The following TEX52 variants were observed in gnomAD, a reference collection of about 807,000 sequenced individuals.
TEX52 encodes testis expressed 52, also known as testis-expressed protein 52.
A neutral mutation model predicts 17.6 loss-of-function variants in TEX52; 22 were observed. The observed-to-expected ratio is 1.25, with a 90% CI of 0.89 to 1.78. The LOEUF is 1.78. TEX52 is among the 40% of genes most tolerant of loss of function. TEX52 has a pLI of 0.00. For synonymous variants in TEX52, 168 were observed against 147.4 expected (o/e 1.14, Z -1.01); for missense variants, 396 against 372.3 (o/e 1.06, Z -0.52).
chr12:2,848,529 G>A (rs141462898), downstream of TEX52, among the ~76,000 whole-genome samples: 5 of 152,210 alleles, frequency 3.3e-5, no homozygotes, highest in African/African-American at 4.8e-5. Context: ...TGGAGAGGCC[G>A]CTCTTTTACC....
intron 2 of TEX52, among the ~76,000 whole-genome samples, chr12:2,852,602 C>T (rs572829568): frequency 3.1e-4 from 47 of 152,162 alleles, no homozygotes; most frequent in Non-Finnish European, 5.9e-4. Context: ...TGGCCTCAAG[C>T]GATCCTCCCA....
Position 2,849,514 on chromosome 12 carries a change from A to T in TEX52, c.635T>A (p.Ile212Lys). The T allele has an allele frequency of 6.5e-7, 1 of 1,536,128 alleles. No homozygotes were observed. Among genetic ancestry groups the T allele is most frequent in the Non-Finnish European group, 8.7e-7 (1 of 1,146,894 alleles). The change falls in exon 3 of 3, where the codon ATA (isoleucine) becomes AAA (lysine). Residue 212 changes from isoleucine (I) to lysine (K), a missense_variant. By Grantham distance (102) the Ile-to-Lys change is moderately radical. Coordinates refer to ENST00000637658, the MANE Select transcript of TEX52 (RefSeq NM_001365174.2). ...GGGTTCAAACCTCCCACCAGCGGAT[A>T]TGTGCCGGTACCTGTTGGGAGAAGG... ...PPASFKKYRH[I>K]SAGGRFEPQG...
At chr12:2,850,434 T>C (rs2098066264) in intron 2 of TEX52, among the ~76,000 whole-genome samples, 1 of 137,182 alleles carries the variant, frequency 7.3e-6, no homozygotes, top group Non-Finnish European at 1.5e-5. Context: ...GCCCAGATCA[T>C]GCCACTGCAC....
chr12:2,855,803 G>T (rs1299644288), intron 1 of TEX52, among the ~76,000 whole-genome samples: 1 of 152,126 alleles, frequency 6.6e-6, no homozygotes, highest in Admixed American at 6.6e-5. Flanking sequence ...GGCACATCAG[G>T]CCTCAGGAAA....
downstream of TEX52, among the ~76,000 whole-genome samples, chr12:2,848,350 C>T (rs2098058983): frequency 6.6e-6 from 1 of 152,334 alleles, no homozygotes; most frequent in African/African-American, 2.4e-5. Flanking sequence ...CAACCATCTC[C>T]ACCCCAGCCA....
At chr12:2,854,833 G>A (rs1387367526) in intron 2 of TEX52, 63 bp downstream of exon 2, 6 of 1,447,622 alleles carry the variant, frequency 4.1e-6, no homozygotes, top group Middle Eastern at 1.8e-4. Flanking sequence ...AGGAACCTGA[G>A]AGAGGGAGGG....
chr12:2,851,631 C>G (rs2098071269), intron 2 of TEX52, among the ~76,000 whole-genome samples: 1 of 152,096 alleles, frequency 6.6e-6, no homozygotes, highest in Admixed American at 6.5e-5. Flanking sequence ...GCGTGAGCCA[C>G]CACGCCCGGC....
intron 1 of TEX52, 57 bp downstream of exon 1, chr12:2,856,898 A>G: frequency 1.4e-6 from 1 of 702,698 alleles, no homozygotes. Context: ...TATAAGGGAC[A>G]GCCTGTAGCC....
In TEX52 at chr12:2,851,926, G is replaced by A. The variant is rs191314870; in HGVS notation, c.624-2401C>T. Among the ~76,000 whole-genome samples, 8 of 152,214 alleles carry A rather than the reference G, an allele frequency of 5.3e-5. No homozygotes were observed. In the East Asian group the frequency reaches 1.4e-3, roughly 26 times the overall value. The stretch of plus-strand genomic sequence containing the variant: ...ACTCCTTACCTCAAGTGATCTGCCC[G>A]CCTCAACCTTCCAAAGTGCTGGGAT... On this transcript the variant is annotated intron_variant, in intron 2 of 2. Coordinates refer to ENST00000637658, the MANE Select transcript of TEX52 (RefSeq NM_001365174.2).
At chr12:2,849,591 C>G in intron 2 of TEX52, 66 bp from the exon 3 acceptor site, 1 of 1,513,244 alleles carries the variant, frequency 6.6e-7, no homozygotes, top group South Asian at 1.2e-5. Flanking sequence ...AGTGGAGAGA[C>G]GGGGAAGGGG....
chr12:2,854,850 T>G, intron 2 of TEX52, 46 bp downstream of exon 2: 1 of 1,487,746 alleles, frequency 6.7e-7, no homozygotes, highest in South Asian at 1.3e-5. Flanking sequence ...AGGGGTCACC[T>G]GGGCAGGGCA....
Position 2,855,033 on chromosome 12 carries a change from G to T in TEX52, c.486C>A (p.Asp162Glu), listed in dbSNP as rs1250939950. 6.5e-7 allele frequency: 1 copy of T among 1,536,108 alleles called. No individual in the cohort carries two copies. Residue 162 changes from aspartate to glutamate, a missense_variant, in exon 2 of 3, where the codon GAC becomes GAA. By Grantham distance (45) the Asp-to-Glu change is conservative. Coordinates refer to ENST00000637658, the MANE Select transcript of TEX52 (RefSeq NM_001365174.2). ...TFIHCYPTFV[D>E]MKRKKQVIFR... ...AAATCACCTGCTTCTTCCTTTTCAT[G>T]TCCACAAACGTGGGATAACAGTGGA...
At chr12:2,856,644 T>C (rs958664662) in intron 1 of TEX52, among the ~76,000 whole-genome samples, 2 of 152,204 alleles carry the variant, frequency 1.3e-5, no homozygotes, top group African/African-American at 4.8e-5. Flanking sequence ...ATTGCAGGCG[T>C]GAGCCACTGT....
At chr12:2,850,978 CTTTTTTTTT>C (rs35125854) in intron 2 of TEX52, among the ~76,000 whole-genome samples, 9 of 81,666 alleles carry the variant, frequency 1.1e-4, no homozygotes, top group African/African-American at 4.4e-4. Context: ...GGCCCAGAGT[CTTTTTTTTT>C]TTTTTTTTTT....
At chr12:2,848,486 C>T (rs555866458), downstream of TEX52, among the ~76,000 whole-genome samples, 2 of 152,358 alleles carry the variant, frequency 1.3e-5, no homozygotes, top group South Asian at 4.1e-4. Flanking sequence ...AAGTCCTCCA[C>T]ACCCTTCCCC....
At chr12:2,856,345 C>T (rs562468380) in intron 1 of TEX52, among the ~76,000 whole-genome samples, 6 of 152,188 alleles carry the variant, frequency 3.9e-5, no homozygotes, top group East Asian at 1.9e-4. Context: ...TAAAATGCTT[C>T]GCCCTCCTAT....
chr12:2,855,958 C>T (rs953848950), intron 1 of TEX52, among the ~76,000 whole-genome samples: 2 of 152,088 alleles, frequency 1.3e-5, no homozygotes, highest in Non-Finnish European at 2.9e-5. Context: ...CTCATTTGTC[C>T]GTCACTGACG....
At position 2,855,186 on chromosome 12, in the gene TEX52, C is replaced by A; in HGVS notation, c.333G>T (p.Gln111His). 1 of 1,510,294 alleles carries A rather than the reference C, an allele frequency of 6.6e-7. No individual in the cohort carries two copies. The highest frequency in any genetic ancestry group is 2.0e-5 in the Admixed American group (1 of 49,730). The allele number at this position is 1,510,294 out of a possible 1,614,324, so 93.6% of individuals were successfully genotyped here. The change falls in exon 2 of 3, where the codon CAG (glutamine) becomes CAT (histidine). Residue 111 changes from glutamine (Q) to histidine (H), a missense_variant. Transcript: ENST00000637658. Reference sequence around the variant, plus strand: ...CATTGCTATCGTAGGGCCTGTCAGGCTGGGTGGGGAAGGTGGCAGGCAGAC... The same window carrying A: ...CATTGCTATCGTAGGGCCTGTCAGGATGGGTGGGGAAGGTGGCAGGCAGAC... Reference protein sequence around the residue: ...VCRLPATFPTQPDRPYDSNVW... With the variant: ...VCRLPATFPTHPDRPYDSNVW...
chr12:2,849,506 C>G lies in TEX52; in HGVS notation c.643G>C (p.Gly215Arg). The change falls in exon 3 of 3, where the codon GGT (glycine) becomes CGT (arginine). Residue 215 changes from glycine to arginine, a missense_variant. Transcript: ENST00000637658. ...SFKKYRHISA[G>R]GRFEPQGLQL... The stretch of plus-strand genomic sequence containing the variant: ...AGGCCCTGGGGTTCAAACCTCCCAC[C>G]AGCGGATATGTGCCGGTACCTGTTG... 1.3e-6 allele frequency: 2 copies of G among 1,536,106 alleles called. No individual in the cohort carries two copies. Among genetic ancestry groups the G allele is most frequent in the Non-Finnish European group, 1.7e-6 (2 of 1,146,912 alleles).
Sources: gnomAD v4.1 joint callset for allele counts (sites outside exome capture counted in the v4.1 genomes callset) on GRCh38, gnomAD v4.1.1 for gene constraint, MANE v1.5 for transcripts, NCBI Gene and HGNC (gene_info 2026-07-23, HGNC 2026-07-21) for gene names.